Variants in TEDC2 observed in about 807,000 individuals in gnomAD.
The protein encoded by TEDC2 is tubulin epsilon and delta complex 2.
A neutral mutation model predicts 48.1 loss-of-function variants in TEDC2; 49 were observed. The observed-to-expected ratio is 1.02, with a 90% CI of 0.81 to 1.29. TEDC2 has a LOEUF of 1.29. Ranked by LOEUF, TEDC2 falls within the 50% of genes most tolerant of loss-of-function variation. The pLI is 0.00. For missense variants in TEDC2, 631 were observed against 571.4 expected (o/e 1.10, Z -1.06); for synonymous variants, 299 against 247.1 (o/e 1.21, Z -1.97).
Position 2,462,435 on chromosome 16 carries a change from G to T in TEDC2, c.771G>T (p.Arg257Ser). ...TCCAGTCAGGCGGGCCCCAGCCCAGGCTCAGTGCTGTGGAGGTGGAGGCGG... is the reference window on the plus strand; with the variant it reads ...TCCAGTCAGGCGGGCCCCAGCCCAGTCTCAGTGCTGTGGAGGTGGAGGCGG... ...MQTASGGPQP[R>S]LSAVEVEAEA... The change falls in exon 7 of 10, where the codon AGG (arginine) becomes AGT (serine). Residue 257 changes from arginine to serine, a missense_variant. By Grantham distance (110) the Arg-to-Ser change is moderately radical. Transcript: ENST00000361837. The T allele has an allele frequency of 6.2e-7, 1 of 1,612,168 alleles. No homozygotes were observed. The highest frequency in any genetic ancestry group is 1.3e-5 in the African/African-American group (1 of 75,032).
intron 3 of TEDC2, 58 bp downstream of exon 3, chr16:2,460,751 A>G: frequency 6.2e-7 from 1 of 1,612,054 alleles, no homozygotes; most frequent in Non-Finnish European, 8.5e-7. Flanking sequence ...GCTGGCGTGC[A>G]GTTGTGAGGA....
intron 8 of TEDC2, among the ~76,000 whole-genome samples, chr16:2,462,953 C>T (rs1264429344): frequency 6.6e-6 from 1 of 152,184 alleles, no homozygotes; most frequent in East Asian, 1.9e-4. Flanking sequence ...CAGGGCAGCT[C>T]TCCCACCTCG....
Position 2,464,410 on chromosome 16 carries a change from A to G in TEDC2, c.1156-112A>G. 3 of 1,350,724 alleles carry G rather than the reference A, an allele frequency of 2.2e-6. No homozygotes were observed. The South Asian group carries it at 4.3e-5, about 19-fold the overall frequency. 83.7% of individuals were successfully genotyped at this position (1,350,724 alleles called of 1,614,324 possible). On this transcript the variant is annotated intron_variant, in intron 9 of 9. Transcript: ENST00000361837. ...GCTGGGACGGCAGGAGGGAGCCTGG[A>G]GCCTCAGAAGGAGGGAGGAGGGCTG...
Position 2,464,102 on chromosome 16 carries a change from G to C in TEDC2, c.1028G>C (p.Cys343Ser). The C allele has an allele frequency of 6.2e-7, 1 of 1,612,924 alleles. No individual in the cohort carries two copies. The highest frequency in any genetic ancestry group is 8.5e-7 in the Non-Finnish European group (1 of 1,180,004). ...VGRPPGASPS[C>S]GGRAEPAWSP... is the part of the protein sequence containing the mutation. ...AGGCCCCCCGGAGCCTCGCCGTCCT[G>C]TGGGGGTAGAGCGGAGCCTGCATGG... The change falls in exon 9 of 10, where the codon TGT (cysteine) becomes TCT (serine). Residue 343 changes from cysteine (C) to serine (S), a missense_variant. Physicochemically the swap from Cys to Ser is moderately radical, Grantham distance 112. Coordinates refer to ENST00000361837, the MANE Select transcript of TEDC2 (RefSeq NM_025108.3).
intron 4 of TEDC2, 121 bp from the exon 5 acceptor site, chr16:2,461,623 TTGG>T: frequency 1.7e-6 from 2 of 1,198,140 alleles, no homozygotes; most frequent in South Asian, 2.6e-5. Flanking sequence ...GGGCTCATCC[TTGG>T]TGGGGTCGGG....
At position 2,464,115 on chromosome 16, in the gene TEDC2, G is replaced by T. The variant is rs375357120; in HGVS notation, c.1041G>T (p.Ala347=). 1 of 1,612,798 alleles carries T rather than the reference G, an allele frequency of 6.2e-7. No individual in the cohort carries two copies. Among genetic ancestry groups the T allele is most frequent in the South Asian group, 1.1e-5 (1 of 91,066 alleles). ...PGASPSCGGR[A]EPAWSPQLLV... ...CCTCGCCGTCCTGTGGGGGTAGAGC[G>T]GAGCCTGCATGGAGCCCCCAGCTGC... Residue 347 remains alanine, a synonymous_variant, in exon 9 of 10, where the codon GCG becomes GCT. Transcript: ENST00000361837.
rs2141836874 is a variant in TEDC2, at chr16:2,460,151, C to T, written c.7C>T (p.Pro3Ser). Residue 3 changes from proline (P) to serine (S), a missense_variant, in exon 1 of 10, where the codon CCG becomes TCG. Pro to Ser is a moderately conservative substitution (Grantham distance 74, BLOSUM62 -1). Coordinates refer to ENST00000361837, the MANE Select transcript of TEDC2 (RefSeq NM_025108.3). Reference protein sequence around the residue: MLPAGCSRRLVAE... With the variant: MLSAGCSRRLVAE... ...AGGAGACGCCGCCGCCTTCATGCTG[C>T]CGGCGGGCTGCTCGCGCCGGTGAGG... is the stretch of plus-strand genomic sequence containing the variant. 1 of 1,350,036 alleles carries T rather than the reference C, an allele frequency of 7.4e-7. No individual in the cohort carries two copies. The allele number at this position is 1,350,036 out of a possible 1,614,324, so 83.6% of individuals were successfully genotyped here.
chr16:2,461,886 G>C (rs879147774), intron 5 of TEDC2, 86 bp downstream of exon 5: 6 of 1,516,114 alleles, frequency 4.0e-6, no homozygotes, highest in South Asian at 2.2e-5. Flanking sequence ...ATACTTTCCA[G>C]TGGGTCTCTT....
At chr16:2,463,189 T>C (rs578228235) in intron 8 of TEDC2, among the ~76,000 whole-genome samples, 177 of 151,740 alleles carry the variant, frequency 1.2e-3, no homozygotes, top group Admixed American at 2.7e-3. Flanking sequence ...GGCGTGGTGG[T>C]GGGCGCCTGT....
At chr16:2,464,327 G>A in intron 9 of TEDC2, 98 bp downstream of exon 9, 4 of 1,456,992 alleles carry the variant, frequency 2.7e-6, no homozygotes, top group Non-Finnish European at 3.7e-6. Context: ...GACCCAGGAG[G>A]ATGGGGGCAA....
rs1226722764 is a variant in TEDC2, at chr16:2,460,695, T to TA, written c.196+5dup. 6.2e-7 allele frequency: 1 copy of TA among 1,613,016 alleles called. No homozygotes were observed. Among genetic ancestry groups the TA allele is most frequent in the Admixed American group, 1.7e-5 (1 of 60,020 alleles). ...CTAATGGAGAGGACCCCCTTCCAGG[T>TA]AAACCTCCACCACCCGCCTTCTCCA... is the stretch of plus-strand genomic sequence containing the variant. On this transcript the variant is annotated splice_region_variant and intron_variant, in intron 3 of 9. Transcript: ENST00000361837.
intron 9 of TEDC2, 62 bp from the exon 10 acceptor site, chr16:2,464,460 C>T (rs2065487545): frequency 6.8e-7 from 1 of 1,480,986 alleles, no homozygotes; most frequent in Admixed American, 2.1e-5. Flanking sequence ...CGAAGCCTGT[C>T]CCAGGATTGC....
rs1312804086 is a variant in TEDC2, at chr16:2,462,414, G to A, written c.751-1G>A. 6 of 1,612,132 alleles carry A rather than the reference G, an allele frequency of 3.7e-6. No homozygotes were observed. In the South Asian group the frequency reaches 6.6e-5, roughly 18 times the overall value. ...GGGAAGTTTTCCTGACCCATATCCA[G>A]TCAGGCGGGCCCCAGCCCAGGCTCA... On this transcript the variant is annotated splice_acceptor_variant, in intron 6 of 9. Transcript: ENST00000361837. LOFTEE classifies it high-confidence loss of function.
rs34948268 is a variant in TEDC2, at chr16:2,464,111, G to C, written c.1037G>C (p.Arg346Thr). Residue 346 changes from arginine to threonine, a missense_variant, in exon 9 of 10, where the codon AGA (arginine) becomes ACA (threonine). Arg to Thr is a moderately conservative substitution (Grantham distance 71). Transcript: ENST00000361837. ...PPGASPSCGG[R>T]AEPAWSPQLL... is the part of the protein sequence containing the mutation. ...GGAGCCTCGCCGTCCTGTGGGGGTA[G>C]AGCGGAGCCTGCATGGAGCCCCCAG... 1.2e-6 allele frequency: 2 copies of C among 1,612,884 alleles called. No homozygotes were observed. Among genetic ancestry groups the C allele is most frequent in the South Asian group, 2.2e-5 (2 of 91,074 alleles).
At position 2,462,248 on chromosome 16, in the gene TEDC2, G is replaced by A; in HGVS notation, c.750+9G>A. The stretch of plus-strand genomic sequence containing the variant: ...AGAACATGCAGACAGCTGTATCCTT[G>A]CTGGGCTTGTGGGAGCCCTGGGGGC... On this transcript the variant is annotated intron_variant, in intron 6 of 9. Transcript: ENST00000361837. 1 of 1,612,936 alleles carries A rather than the reference G, an allele frequency of 6.2e-7. No homozygotes were observed. Among genetic ancestry groups the A allele is most frequent in the Non-Finnish European group, 8.5e-7 (1 of 1,179,960 alleles).
At chr16:2,462,335 C>G in intron 6 of TEDC2, 80 bp from the exon 7 acceptor site, 3 of 1,601,530 alleles carry the variant, frequency 1.9e-6, no homozygotes, top group Non-Finnish European at 2.6e-6. Context: ...GTGGGATGGC[C>G]AGGGCCACTC....
chr16:2,461,601 C>T lies in TEDC2; in HGVS notation c.606-146C>T, dbSNP rs2065467140. ...GCTTCTCCTATGGCCACTCTGGAAG[C>T]CCTATCCAAGGGGGCTCATCCTTGG... On this transcript the variant is annotated intron_variant, in intron 4 of 9. Transcript: ENST00000361837. 4 of 927,414 alleles carry T rather than the reference C, an allele frequency of 4.3e-6. No homozygotes were observed. In the Admixed American group the frequency reaches 6.6e-5, roughly 15 times the overall value. 57.4% of individuals were successfully genotyped at this position (927,414 alleles called of 1,614,324 possible).
chr16:2,460,638 C>G lies in TEDC2; in HGVS notation c.141C>G (p.Thr47=), dbSNP rs778389569. Residue 47 remains threonine (T), a synonymous_variant, in exon 3 of 10, where the codon ACC becomes ACG. Transcript: ENST00000361837. ...GTCTTTGCAGGGAACCAACTGGGAC[C>G]CGGGCTTTGAAGCCACCTCCAGGGC... ...RLLHAWEPTG[T]RALKPPPGPE... is the part of the protein sequence containing the mutation. 6.2e-7 allele frequency: 1 copy of G among 1,613,000 alleles called. No homozygotes were observed. Among genetic ancestry groups the G allele is most frequent in the Non-Finnish European group, 8.5e-7 (1 of 1,179,960 alleles).
At chr16:2,460,444 G>A in intron 2 of TEDC2, 63 bp downstream of exon 2, 1 of 1,530,186 alleles carries the variant, frequency 6.5e-7, no homozygotes, top group Middle Eastern at 1.7e-4. Flanking sequence ...CGCCCCGAGC[G>A]CCCAGGGCTG....
Sources: gnomAD v4.1 joint callset for allele counts (sites outside exome capture counted in the v4.1 genomes callset) on GRCh38, gnomAD v4.1.1 for gene constraint, MANE v1.5 for transcripts, NCBI Gene and HGNC (gene_info 2026-07-23, HGNC 2026-07-21) for gene names.